Variants in ASPH observed in about 807,000 individuals in gnomAD.
The protein encoded by ASPH is aspartate beta-hydroxylase.
A neutral mutation model predicts 118.4 loss-of-function variants in ASPH; 100 were observed. The observed-to-expected ratio is 0.84, with a 90% CI of 0.72 to 1.00. The LOEUF (loss-of-function observed/expected upper bound fraction) is 1.00, where lower values mean the gene tolerates loss of function less well. ASPH is among the 50% of genes least tolerant of loss of function. ASPH has a pLI of 0.00. For missense variants in ASPH, 920 were observed against 919.5 expected (o/e 1.00, Z -0.01); for synonymous variants, 315 against 325.6 (o/e 0.97, Z 0.35).
intron 14 of ASPH, among the ~76,000 whole-genome samples, chr8:61,614,336 A>T (rs1319867094): frequency 1.3e-5 from 2 of 152,222 alleles, no homozygotes; most frequent in South Asian, 4.1e-4. Context: ...GATACACACA[A>T]GAAAAAACAC....
intron 3 of ASPH, among the ~76,000 whole-genome samples, chr8:61,679,492 C>A (rs1826886692): frequency 6.6e-6 from 1 of 151,966 alleles, no homozygotes; most frequent in Non-Finnish European, 1.5e-5. Context: ...TGTGTTTTAT[C>A]AAAGAAATAC....
At chr8:61,641,491 G>T (rs143605577) in intron 10 of ASPH, among the ~76,000 whole-genome samples, 1 of 151,772 alleles carries the variant, frequency 6.6e-6, no homozygotes, top group Admixed American at 6.6e-5. Context: ...ACCTTCCCTC[G>T]GCCCCAAATC....
chr8:61,528,324 C>T (rs901647991), intron 21 of ASPH, among the ~76,000 whole-genome samples: 8 of 152,212 alleles, frequency 5.3e-5, no homozygotes, highest in Admixed American at 1.3e-4. Flanking sequence ...CCTAGGATTT[C>T]GCTGTATGTT....
intron 16 of ASPH, among the ~76,000 whole-genome samples, chr8:61,571,103 C>A (rs1002006369): frequency 2.0e-5 from 3 of 152,046 alleles, no homozygotes; most frequent in Non-Finnish European, 4.4e-5. Context: ...CCTATAAAAC[C>A]CATCTTCTGT....
At chr8:61,652,658 T>C (rs887470153) in intron 4 of ASPH, among the ~76,000 whole-genome samples, 2 of 152,170 alleles carry the variant, frequency 1.3e-5, no homozygotes, top group African/African-American at 4.8e-5. Context: ...GGGTTTTATT[T>C]TAGTACAAAG....
At chr8:61,549,734 A>G (rs1283986941) in intron 20 of ASPH, among the ~76,000 whole-genome samples, 1 of 152,226 alleles carries the variant, frequency 6.6e-6, no homozygotes, top group Non-Finnish European at 1.5e-5. Context: ...AAAGTGAACA[A>G]TAATACTAAG....
At chr8:61,582,750 T>C (rs1040647971) in intron 15 of ASPH, among the ~76,000 whole-genome samples, 2 of 152,246 alleles carry the variant, frequency 1.3e-5, no homozygotes, top group African/African-American at 4.8e-5. Flanking sequence ...AGTGTTTTTA[T>C]TGTTGTTTGT....
intron 3 of ASPH, chr8:61,664,894 A>G (rs1393704499): frequency 9.9e-7 from 1 of 1,011,686 alleles, no homozygotes; most frequent in African/African-American, 1.7e-5. Context: ...AAAAGTTACA[A>G]GGCATTATGC....
chr8:61,567,410 G>A (rs1318053987), intron 16 of ASPH, 92 bp from the exon 17 acceptor site: 3 of 1,343,520 alleles, frequency 2.2e-6, no homozygotes, highest in East Asian at 5.0e-5. Context: ...TTTTGGACAT[G>A]CTTTAAAAGA....
intron 3 of ASPH, among the ~76,000 whole-genome samples, chr8:61,667,047 T>C (rs550232083): frequency 6.6e-6 from 1 of 152,048 alleles, no homozygotes; most frequent in East Asian, 1.9e-4. Context: ...TCAGAAGAGA[T>C]AGGAGGTTAA....
At chr8:61,669,656 G>A (rs1002632851) in intron 3 of ASPH, among the ~76,000 whole-genome samples, 1 of 151,998 alleles carries the variant, frequency 6.6e-6, no homozygotes, top group African/African-American at 2.4e-5. Flanking sequence ...TAGTATCTAA[G>A]GTGTAAAACA....
At chr8:61,677,678 T>C (rs2151559954) in intron 3 of ASPH, among the ~76,000 whole-genome samples, 1 of 152,294 alleles carries the variant, frequency 6.6e-6, no homozygotes, top group South Asian at 2.1e-4. Context: ...TTTCACTGAA[T>C]TTAGCAGCAG....
chr8:61,668,143 T>C (rs1820628289), intron 3 of ASPH: 7 of 1,283,006 alleles, frequency 5.5e-6, no homozygotes, highest in East Asian at 2.4e-5. Context: ...TGTTTAGCAT[T>C]AGTAGCAATA....
At chr8:61,588,076 C>A (rs1468345219) in intron 14 of ASPH, among the ~76,000 whole-genome samples, 1 of 152,036 alleles carries the variant, frequency 6.6e-6, no homozygotes, top group Non-Finnish European at 1.5e-5. Flanking sequence ...TTAAAGTACA[C>A]CTATAAGGTA....
chr8:61,559,884 CAGA>C (rs1305522582), intron 18 of ASPH, among the ~76,000 whole-genome samples: 1 of 152,062 alleles, frequency 6.6e-6, no homozygotes, highest in Admixed American at 6.6e-5. Flanking sequence ...ATGAGAACCA[CAGA>C]AGATTTAAAG....
chr8:61,560,337 C>T (rs1281705921), intron 18 of ASPH, among the ~76,000 whole-genome samples: 1 of 151,918 alleles, frequency 6.6e-6, no homozygotes, highest in Non-Finnish European at 1.5e-5. Flanking sequence ...CATTTTAAAG[C>T]CAGTTTCTTT....
At chr8:61,543,661 A>C (rs1267410832) in intron 21 of ASPH, among the ~76,000 whole-genome samples, 1 of 152,184 alleles carries the variant, frequency 6.6e-6, no homozygotes, top group Admixed American at 6.5e-5. Flanking sequence ...TTTTCTGTGC[A>C]TGTATATACT....
chr8:61,680,281 G>A (rs1827402888), intron 3 of ASPH, among the ~76,000 whole-genome samples: 1 of 151,784 alleles, frequency 6.6e-6, no homozygotes. Context: ...AGCAAAGGAA[G>A]TCTCACCAGG....
intron 3 of ASPH, among the ~76,000 whole-genome samples, chr8:61,655,614 G>A (rs1355103755): frequency 1.3e-5 from 2 of 152,124 alleles, no homozygotes; most frequent in Admixed American, 6.5e-5. Context: ...ATAATGCTAC[G>A]TGTTCAAATA....
Sources: gnomAD v4.1 joint callset for allele counts (sites outside exome capture counted in the v4.1 genomes callset) on GRCh38, gnomAD v4.1.1 for gene constraint, MANE v1.5 for transcripts, NCBI Gene and HGNC (gene_info 2026-07-23, HGNC 2026-07-21) for gene names.